Variants in ACSM3 observed in about 807,000 individuals in gnomAD.
ACSM3 encodes the protein acyl-coenzyme A synthetase ACSM3, mitochondrial.
ACSM3 carries 61 observed loss-of-function variants against 74.1 expected under a neutral mutation model. The ratio of observed to expected loss-of-function variants is 0.82; its 90% CI spans 0.67 to 1.02. The LOEUF (loss-of-function observed/expected upper bound fraction) is 1.02. Ranked by LOEUF, ACSM3 falls within the 50% of genes least tolerant of loss-of-function variation. ACSM3 has a pLI of 0.00. For missense variants in ACSM3, 660 were observed against 697.0 expected, an observed-to-expected ratio of 0.95 and a Z score of 0.60; for synonymous variants, 213 against 241.5, an observed-to-expected ratio of 0.88 and a Z score of 1.09.
chr16:20,784,869 G>A (rs1206711025), intron 7 of ACSM3, 115 bp from the exon 8 acceptor site: 1 of 1,136,178 alleles, frequency 8.8e-7, no homozygotes, highest in Non-Finnish European at 1.2e-6. Flanking sequence ...GTGCTAGGGA[G>A]AGGAATTAAA....
At chr16:20,747,959 G>A (rs1429401474) in intron 1 of ACSM3, among the ~76,000 whole-genome samples, 1 of 152,068 alleles carries the variant, frequency 6.6e-6, no homozygotes, top group African/African-American at 2.4e-5. Context: ...TGGGCAACAT[G>A]GTGAAGCCCC....
chr16:20,682,609 C>A (rs1463601384), intron 1 of ACSM3: 5 of 588,704 alleles, frequency 8.5e-6, no homozygotes, highest in Non-Finnish European at 1.5e-5. Flanking sequence ...ATCCAGGATG[C>A]AGAATCTCAC....
chr16:20,728,433 GA>G, intron 1 of ACSM3: 1 of 1,429,678 alleles, frequency 7.0e-7, no homozygotes, highest in Non-Finnish European at 9.8e-7. Context: ...CAAAGAAGGG[GA>G]AATTGCCCTC....
chr16:20,733,662 A>G (rs2079844894), intron 1 of ACSM3: 3 of 152,160 alleles, frequency 2.0e-5, no homozygotes, highest in Admixed American at 2.0e-4. Context: ...TTAGAACACC[A>G]ATTTTTAGGG....
intron 1 of ACSM3, among the ~76,000 whole-genome samples, chr16:20,695,390 C>T (rs2079683815): frequency 6.6e-6 from 1 of 152,166 alleles, no homozygotes; most frequent in Non-Finnish European, 1.5e-5. Flanking sequence ...AGAGCTGTTG[C>T]TAGTTAACAC....
intron 1 of ACSM3, chr16:20,741,481 G>GGGGGGGGGGCCCCCCCCCC: frequency 7.6e-7 from 1 of 1,308,410 alleles, no homozygotes; most frequent in Non-Finnish European, 9.9e-7. Flanking sequence ...CTGGCAGCCG[G>GGGGGGGGGGCCCCCCCCCC]CCCGCCCGCC....
At chr16:20,675,339 G>A (rs935331174) in intron 1 of ACSM3, among the ~76,000 whole-genome samples, 8 of 152,164 alleles carry the variant, frequency 5.3e-5, no homozygotes, top group African/African-American at 7.2e-5. Context: ...ATCCCTTAGC[G>A]CAGGCTGTGT....
intron 1 of ACSM3, chr16:20,741,481 G>GGGGGGGGGGGCGC: frequency 2.3e-6 from 3 of 1,308,410 alleles, no homozygotes; most frequent in Non-Finnish European, 3.0e-6. Flanking sequence ...CTGGCAGCCG[G>GGGGGGGGGGGCGC]CCCGCCCGCC....
chr16:20,750,199 C>A (rs2079979202), intron 2 of ACSM3, among the ~76,000 whole-genome samples: 1 of 152,196 alleles, frequency 6.6e-6, no homozygotes, highest in Non-Finnish European at 1.5e-5. Context: ...CCCACTTACT[C>A]CCTTGAGACT....
chr16:20,696,744 T>C lies in ACSM3; in HGVS notation c.-190+21922T>C, dbSNP rs928380471. Among the ~76,000 whole-genome samples, 2 of 152,214 alleles carry C rather than the reference T, an allele frequency of 1.3e-5. 1 individual carries two copies. The highest frequency in any genetic ancestry group is 3.8e-4 in the East Asian group (2 of 5,202). ...GCTCCCCACTGTATTCCCAGATACA[T>C]AGTGCCTTGAACAGCTCCTGCAACT... On this transcript the variant is annotated intron_variant, in intron 1 of 3. Transcript: ENST00000561584.
At chr16:20,719,726 T>C (rs2079778814) in intron 1 of ACSM3, among the ~76,000 whole-genome samples, 1 of 152,202 alleles carries the variant, frequency 6.6e-6, no homozygotes, top group Non-Finnish European at 1.5e-5. Context: ...TCTAATTCAG[T>C]GAAACCAAGA....
chr16:20,742,795 A>G (rs2079938762), intron 1 of ACSM3, among the ~76,000 whole-genome samples: 1 of 116,874 alleles, frequency 8.6e-6, no homozygotes, highest in Non-Finnish European at 1.8e-5. Flanking sequence ...GCGTGTAAAT[A>G]TATATATATA....
chr16:20,726,293 T>A (rs973250257), intron 1 of ACSM3, among the ~76,000 whole-genome samples: 2 of 152,244 alleles, frequency 1.3e-5, no homozygotes, highest in African/African-American at 2.4e-5. Flanking sequence ...TTACAATGTA[T>A]ATTTGTTTAA....
chr16:20,741,481 G>GGGGGGGGGGGCGCCCCCCCCCCCCCCC, intron 1 of ACSM3: 1 of 1,308,412 alleles, frequency 7.6e-7, no homozygotes, highest in Non-Finnish European at 9.9e-7. Context: ...CTGGCAGCCG[G>GGGGGGGGGGGCGCCCCCCCCCCCCCCC]CCCGCCCGCC....
intron 2 of ACSM3, among the ~76,000 whole-genome samples, chr16:20,773,805 G>A (rs1457086635): frequency 2.0e-5 from 3 of 152,336 alleles, no homozygotes; most frequent in East Asian, 3.9e-4. Context: ...AATGTGCCAT[G>A]TGCTGATGAG....
Position 20,694,159 on chromosome 16 carries a change from C to T in ACSM3, c.-190+19337C>T, listed in dbSNP as rs78579222. Among the ~76,000 whole-genome samples, 31 of 152,334 alleles carry T rather than the reference C, an allele frequency of 2.0e-4. 1 individual carries two copies. The East Asian group carries it at 5.0e-3, about 25-fold the overall frequency. ...TCCTCTTTCCTTTGTTCTCCTCTACCTTTGCCTCTTTAAAAAAGTTCTAAG... is the reference window on the plus strand; with the variant it reads ...TCCTCTTTCCTTTGTTCTCCTCTACTTTTGCCTCTTTAAAAAAGTTCTAAG... On this transcript the variant is annotated intron_variant, in intron 1 of 3. Coordinates refer to the ACSM3 transcript ENST00000561584.
intron 1 of ACSM3, chr16:20,733,912 A>G (rs2079847018): frequency 6.6e-6 from 1 of 152,102 alleles, no homozygotes; most frequent in Non-Finnish European, 1.5e-5. Context: ...TTTTTAAAAG[A>G]AAAAACAAAA....
Position 20,725,306 on chromosome 16 carries a change from C to T in ACSM3, c.-189-24604C>T, listed in dbSNP as rs767326291. On this transcript the variant is annotated intron_variant, in intron 1 of 3. Coordinates refer to the ACSM3 transcript ENST00000561584. ...AATGACAGGGTGTAGATATCAGCTC[C>T]AGTCATAGCCTTTCATTGACCGCTT... The T allele has an allele frequency of 4.1e-5, 8 of 196,938 alleles. 1 individual carries two copies. The Middle Eastern group carries it at 4.5e-3, about 111-fold the overall frequency. 12.2% of individuals were successfully genotyped at this position (196,938 alleles called of 1,614,324 possible). A position where few individuals can be genotyped will look rare whatever the true frequency, so the allele number is the denominator to read the frequency against.
At chr16:20,734,855 A>C (rs369184664) in intron 1 of ACSM3, 4 of 152,246 alleles carry the variant, frequency 2.6e-5, no homozygotes, top group Admixed American at 1.3e-4. Flanking sequence ...GGCTGAGTTC[A>C]TTCTCTTCCT....
Sources: allele counts gnomAD v4.1 joint callset (sites outside exome capture counted in the v4.1 genomes callset), GRCh38; gene constraint gnomAD v4.1.1; transcripts MANE v1.5; gene names NCBI Gene and HGNC (gene_info 2026-07-23, HGNC 2026-07-21).